NPAS3: variants seen among roughly 807,000 people sequenced by gnomAD.
The protein encoded by NPAS3 is neuronal PAS domain-containing protein 3.
A neutral mutation model predicts 73.1 loss-of-function variants in NPAS3; 14 were observed. That is an observed-to-expected ratio of 0.19 (90% confidence interval 0.13 to 0.30). The LOEUF (loss-of-function observed/expected upper bound fraction) is 0.30, where lower values mean the gene tolerates loss of function less well. Among genes scored for constraint, NPAS3 ranks in the 10% least tolerant of loss-of-function variants. NPAS3 has a pLI of 1.00. For missense variants in NPAS3, 1,096 were observed against 1,250.0 expected (o/e 0.88, Z 1.86); for synonymous variants, 620 against 541.5 (o/e 1.14, Z -2.01).
chr14:33,086,948 T>C (rs2042044557), intron 2 of NPAS3, among the ~76,000 whole-genome samples: 1 of 152,038 alleles, frequency 6.6e-6, no homozygotes, highest in African/African-American at 2.4e-5. Flanking sequence ...TCAATTTTAG[T>C]TGTCTCTCAG....
intron 1 of NPAS3, among the ~76,000 whole-genome samples, chr14:32,987,032 T>G (rs2038127648): frequency 1.3e-5 from 2 of 152,172 alleles, no homozygotes; most frequent in Non-Finnish European, 2.9e-5. Flanking sequence ...CCCCAGCTAT[T>G]GAGAAGATGC....
intron 3 of NPAS3, among the ~76,000 whole-genome samples, chr14:33,283,351 A>G (rs2041707468): frequency 6.6e-6 from 1 of 152,208 alleles, no homozygotes; most frequent in African/African-American, 2.4e-5. Flanking sequence ...TCCATAAATA[A>G]AGGCAGAATT....
chr14:32,998,003 G>A (rs544010280), intron 1 of NPAS3, among the ~76,000 whole-genome samples: 30 of 152,186 alleles, frequency 2.0e-4, no homozygotes, highest in African/African-American at 6.3e-4. Flanking sequence ...AATTACCTTC[G>A]TACCCAGAAA....
chr14:33,743,978 A>C (rs148988504), intron 7 of NPAS3, among the ~76,000 whole-genome samples: 2 of 152,354 alleles, frequency 1.3e-5, no homozygotes, highest in East Asian at 3.9e-4. Context: ...AGGCTTTGGC[A>C]TTATGGCTGG....
At chr14:33,581,419 G>A (rs2056657773) in intron 5 of NPAS3, among the ~76,000 whole-genome samples, 1 of 152,068 alleles carries the variant, frequency 6.6e-6, no homozygotes, top group African/African-American at 2.4e-5. Context: ...GAACACTGTA[G>A]ACTGACAGAA....
At chr14:33,510,193 T>C (rs2052978224) in intron 4 of NPAS3, among the ~76,000 whole-genome samples, 3 of 152,050 alleles carry the variant, frequency 2.0e-5, no homozygotes, top group Admixed American at 1.3e-4. Flanking sequence ...GATACTGAAA[T>C]GAAGCACAGC....
At chr14:33,157,295 C>T (rs2044682296) in intron 2 of NPAS3, among the ~76,000 whole-genome samples, 1 of 152,210 alleles carries the variant, frequency 6.6e-6, no homozygotes, top group Non-Finnish European at 1.5e-5. Flanking sequence ...AAACACAGAA[C>T]TCTTCTTTAT....
chr14:33,107,118 C>T (rs2042745614), intron 2 of NPAS3, among the ~76,000 whole-genome samples: 1 of 146,854 alleles, frequency 6.8e-6, no homozygotes, highest in South Asian at 2.1e-4. Context: ...TAACCAGACC[C>T]TTCTCTTGAG....
At chr14:33,537,111 G>C (rs1213115163) in intron 4 of NPAS3, among the ~76,000 whole-genome samples, 1 of 152,140 alleles carries the variant, frequency 6.6e-6, no homozygotes, top group African/African-American at 2.4e-5. Flanking sequence ...CAATATGATG[G>C]TGTATATCTT....
intron 1 of NPAS3, among the ~76,000 whole-genome samples, chr14:33,005,786 CT>C (rs769463042): frequency 6.6e-6 from 1 of 152,124 alleles, no homozygotes; most frequent in Non-Finnish European, 1.5e-5. Flanking sequence ...TAAATGTCGG[CT>C]TTCATGATAG....
chr14:33,558,535 C>T (rs923956602), intron 4 of NPAS3, among the ~76,000 whole-genome samples: 7 of 152,116 alleles, frequency 4.6e-5, no homozygotes, highest in South Asian at 2.1e-4. Flanking sequence ...GCTAGGATTA[C>T]AGGCATGAGC....
chr14:33,560,163 T>G, exon 5 of NPAS3: 1 of 870,738 alleles, frequency 1.1e-6, no homozygotes, highest in Non-Finnish European at 2.0e-6. Flanking sequence ...GGAAGGAAAA[T>G]TTTTGTACAT....
intron 6 of NPAS3, 56 bp downstream of exon 6, chr14:33,676,441 T>A: frequency 6.9e-7 from 1 of 1,443,088 alleles, no homozygotes; most frequent in Non-Finnish European, 9.3e-7. Context: ...GCCAAATGAG[T>A]GTGCTCAAGT....
chr14:33,062,147 C>G (rs76117032), intron 2 of NPAS3, among the ~76,000 whole-genome samples: 1,626 of 152,138 alleles, frequency 0.011, 15 homozygotes, highest in South Asian at 0.022. Context: ...ACTGCATCTT[C>G]GAGAAGAATT....
intron 7 of NPAS3, among the ~76,000 whole-genome samples, chr14:33,756,666 A>G (rs1223938007): frequency 3.3e-5 from 5 of 152,256 alleles, no homozygotes; most frequent in African/African-American, 1.2e-4. Context: ...TAAGGATTAA[A>G]AAGAAAGAAA....
chr14:33,336,200 C>T (rs747642881), intron 3 of NPAS3, among the ~76,000 whole-genome samples: 2 of 152,144 alleles, frequency 1.3e-5, no homozygotes, highest in Non-Finnish European at 2.9e-5. Context: ...ACAAACATAG[C>T]AGCTTAAAAC....
intron 5 of NPAS3, among the ~76,000 whole-genome samples, chr14:33,639,390 GA>G (rs1193028555): frequency 2.0e-5 from 3 of 152,080 alleles, no homozygotes; most frequent in Non-Finnish European, 4.4e-5. Flanking sequence ...AAATTGTCTA[GA>G]TAATTTTCTA....
rs2043417811 is a variant in NPAS3, at chr14:33,320,957, G to A, written c.386-46229G>A. 3.3e-5 allele frequency among the ~76,000 whole-genome samples: 5 copies of A among 152,068 alleles called. No homozygotes were observed. In the South Asian group the frequency reaches 6.2e-4, roughly 19 times the overall value. ...ACATCCTCCAGCCTCTCCAGCTGGTGCCTCCACGCTGCATGCTTTCCTTGT... is the reference window on the plus strand; with the variant it reads ...ACATCCTCCAGCCTCTCCAGCTGGTACCTCCACGCTGCATGCTTTCCTTGT... On this transcript the variant is annotated intron_variant, in intron 3 of 11. Coordinates refer to ENST00000356141, the Ensembl canonical transcript of NPAS3.
At chr14:33,375,698 A>G (rs749903580) in intron 4 of NPAS3, among the ~76,000 whole-genome samples, 11 of 152,202 alleles carry the variant, frequency 7.2e-5, no homozygotes, top group Non-Finnish European at 1.3e-4. Flanking sequence ...CTCACCTCAA[A>G]TAAGATATCA....
Sources: allele counts gnomAD v4.1 joint callset (sites outside exome capture counted in the v4.1 genomes callset), GRCh38; gene constraint gnomAD v4.1.1; transcripts MANE v1.5; gene names NCBI Gene and HGNC (gene_info 2026-07-23, HGNC 2026-07-21).